The following BEND5 variants were observed in gnomAD, a reference collection of about 807,000 sequenced individuals.
BEND5 encodes BEN domain-containing protein 5.
A neutral mutation model predicts 43.9 loss-of-function variants in BEND5; 22 were observed. That is an observed-to-expected ratio of 0.50 (90% CI 0.36 to 0.72). The LOEUF (loss-of-function observed/expected upper bound fraction) is 0.72, where lower values mean the gene tolerates loss of function less well. Ranked by LOEUF, BEND5 falls within the 30% of genes least tolerant of loss-of-function variation. The pLI, the probability that BEND5 is intolerant of heterozygous loss-of-function variation, is 0.00. For missense variants in BEND5, 428 were observed against 550.6 expected (o/e 0.78, Z 2.23); for synonymous variants, 228 against 225.9 (o/e 1.01, Z -0.08).
In BEND5 at chr1:48,759,061, T is replaced by A. The variant is rs1399747669; in HGVS notation, c.584A>T (p.Glu195Val). The A allele has an allele frequency of 1.2e-6, 2 of 1,613,668 alleles. No homozygotes were observed. Among genetic ancestry groups the A allele is most frequent in the East Asian group, 2.2e-5 (1 of 44,862 alleles). Residue 195 changes from glutamate to valine, a missense_variant, in exon 3 of 6, where the codon GAA (glutamate) becomes GTA (valine). This residue lies in a region of BEND5 where 243 missense variants were observed against 286.4 expected (regional missense o/e 0.85). Coordinates refer to ENST00000371833, the MANE Select transcript of BEND5 (RefSeq NM_024603.4). ...ELLRNYQQQQ[E>V]EMRHLQQELE... ...CTCCTGCTGGAGGTGGCGCATCTCTTCCTGTTGCTGCTGGTAGTTGCGCAG... is the reference window on the plus strand; with the variant it reads ...CTCCTGCTGGAGGTGGCGCATCTCTACCTGTTGCTGCTGGTAGTTGCGCAG...
At chr1:48,766,852 T>C (rs1223218198) in intron 1 of BEND5, among the ~76,000 whole-genome samples, 3 of 152,180 alleles carry the variant, frequency 2.0e-5, no homozygotes, top group African/African-American at 7.2e-5. Context: ...CAGTGAACAT[T>C]TACTGTTCCT....
rs956244510 is a variant in BEND5, at chr1:48,762,120, A to G, written c.227-650T>C. 3.9e-5 allele frequency among the ~76,000 whole-genome samples: 6 copies of G among 152,308 alleles called. No homozygotes were observed. In the Middle Eastern group the frequency reaches 0.01, roughly 259 times the overall value. On this transcript the variant is annotated intron_variant, in intron 1 of 5. Transcript: ENST00000371833. ...CGCTCATGTTACATGAGGAAATTCA[A>G]ACCCAGAGGATGGAAGAGGCTTGCC...
chr1:48,770,643 A>G (rs2148691000), intron 1 of BEND5, among the ~76,000 whole-genome samples: 1 of 152,212 alleles, frequency 6.6e-6, no homozygotes, highest in South Asian at 2.1e-4. Context: ...CTCTCCTGAC[A>G]TATCCACCCA....
At chr1:48,772,851 C>T (rs911387674) in intron 1 of BEND5, among the ~76,000 whole-genome samples, 5 of 152,256 alleles carry the variant, frequency 3.3e-5, no homozygotes, top group Admixed American at 3.3e-4. Context: ...GCAAAGCCCA[C>T]CTTGAATTGG....
intron 3 of BEND5, among the ~76,000 whole-genome samples, chr1:48,749,396 A>C (rs1253789948): frequency 6.6e-6 from 1 of 152,188 alleles, no homozygotes; most frequent in East Asian, 1.9e-4. Flanking sequence ...GTGTTTAGCG[A>C]AAGAAGTTAA....
intron 3 of BEND5, among the ~76,000 whole-genome samples, chr1:48,748,569 G>A (rs1293903803): frequency 3.9e-5 from 6 of 152,190 alleles, no homozygotes; most frequent in Non-Finnish European, 7.3e-5. Flanking sequence ...ACCAACTTCT[G>A]TGTTGGGGCT....
intron 3 of BEND5, among the ~76,000 whole-genome samples, chr1:48,745,864 GCCCCTACTCTA>G (rs1190034132): frequency 6.6e-6 from 1 of 151,834 alleles, no homozygotes; most frequent in Non-Finnish European, 1.5e-5. Flanking sequence ...CCACCCCTCT[GCCCCTACTCTA>G]CCATAATAAT....
chr1:48,768,380 C>CACAA (rs1644636781), intron 1 of BEND5, among the ~76,000 whole-genome samples: 1 of 152,102 alleles, frequency 6.6e-6, no homozygotes, highest in Non-Finnish European at 1.5e-5. Context: ...TACTCAAAGC[C>CACAA]ACAAAGAGCT....
At chr1:48,747,056 T>C (rs145679498) in intron 3 of BEND5, among the ~76,000 whole-genome samples, 6 of 152,328 alleles carry the variant, frequency 3.9e-5, no homozygotes, top group African/African-American at 1.4e-4. Context: ...TTACATCTCA[T>C]TACAACAAAT....
chr1:48,728,482 C>CTT lies in BEND5; in HGVS notation c.1109-441_1109-440dup, dbSNP rs11441549. Among the ~76,000 whole-genome samples the CTT allele has an allele frequency of 1.8e-3, 241 of 137,124 alleles. 2 individuals carry two copies. Among genetic ancestry groups the CTT allele is most frequent in the East Asian group, 0.015 (71 of 4,844 alleles). The allele number at this position is 137,124 out of a possible 152,430, so 90.0% of individuals were successfully genotyped here. On this transcript the variant is annotated intron_variant, in intron 5 of 5. Coordinates refer to ENST00000371833, the MANE Select transcript of BEND5 (RefSeq NM_024603.4). Reference sequence around the variant, plus strand: ...GTGCCCACTCTATCATTCTGACTTGCTTTTTTTTTTTTTTTTACTCAAATG... The same window carrying CTT: ...GTGCCCACTCTATCATTCTGACTTGCTTTTTTTTTTTTTTTTTTACTCAAATG...
chr1:48,736,542 A>T lies in BEND5; in HGVS notation c.895-90T>A. ...GTCCTTTAAAAAGCATTGCTGCACAACTGTAAGAGATTCATGTCATAAATA... is the reference window on the plus strand; with the variant it reads ...GTCCTTTAAAAAGCATTGCTGCACATCTGTAAGAGATTCATGTCATAAATA... On this transcript the variant is annotated intron_variant, in intron 4 of 5. Transcript: ENST00000371833. This position sits in a 1 kb window ranked among gnomAD's most constrained non-coding sequence, Gnocchi z 4.0. The T allele has an allele frequency of 9.2e-7, 1 of 1,086,838 alleles. No homozygotes were observed. Among genetic ancestry groups the T allele is most frequent in the Non-Finnish European group, 1.4e-6 (1 of 726,694 alleles). 67.3% of individuals were successfully genotyped at this position (1,086,838 alleles called of 1,614,324 possible).
At position 48,761,438 on chromosome 1, in the gene BEND5, G is replaced by T; in HGVS notation, c.259C>A (p.Gln87Lys). 6.4e-7 allele frequency: 1 copy of T among 1,551,100 alleles called. No homozygotes were observed. Among genetic ancestry groups the T allele is most frequent in the Non-Finnish European group, 8.7e-7 (1 of 1,146,794 alleles). ...AGCTTGGGGATTTTTATTTTCTTCT[G>T]CATCACACTGTTTTCAAGGTCAGAT... The part of the protein sequence containing the change: ...DKSDLENSVM[Q>K]KKIKIPKLSL... Residue 87 changes from glutamine to lysine, a missense_variant, in exon 2 of 6, where the codon CAG becomes AAG. Around this residue, in one of 4 missense-constraint regions of BEND5, gnomAD observed 243 missense variants for 286.4 expected, o/e 0.85. Coordinates refer to ENST00000371833, the MANE Select transcript of BEND5 (RefSeq NM_024603.4).
chr1:48,772,657 T>C (rs1644895064), intron 1 of BEND5, among the ~76,000 whole-genome samples: 1 of 152,142 alleles, frequency 6.6e-6, no homozygotes, highest in Non-Finnish European at 1.5e-5. Context: ...CTACAGAAGG[T>C]TCTAATGAGA....
Position 48,730,703 on chromosome 1 carries a change from C to T in BEND5, c.1109-2660G>A, listed in dbSNP as rs148687855. On this transcript the variant is annotated intron_variant, in intron 5 of 5. Transcript: ENST00000371833. ...TTGATTAAAAGGCTTTCGTTAGACT[C>T]TAGATATTAATCACCTGCAGTTGCC... Among the ~76,000 whole-genome samples, 13 of 152,276 alleles carry T rather than the reference C, an allele frequency of 8.5e-5. No homozygotes were observed. The East Asian group carries it at 1.4e-3, about 16-fold the overall frequency.
At chr1:48,755,707 G>C (rs1203517205) in intron 3 of BEND5, among the ~76,000 whole-genome samples, 1 of 152,140 alleles carries the variant, frequency 6.6e-6, no homozygotes, top group Non-Finnish European at 1.5e-5. Context: ...CTTTCCAAGA[G>C]AGACTTCTCC....
intron 4 of BEND5, among the ~76,000 whole-genome samples, chr1:48,740,471 G>T (rs1305834872): frequency 6.6e-6 from 1 of 152,236 alleles, no homozygotes; most frequent in East Asian, 1.9e-4. Flanking sequence ...ATGAGTTTTT[G>T]AAATAAAACA....
At chr1:48,752,062 C>T (rs960975381) in intron 3 of BEND5, among the ~76,000 whole-genome samples, 1 of 152,168 alleles carries the variant, frequency 6.6e-6, no homozygotes, top group Admixed American at 6.5e-5. Context: ...CAGGATACAA[C>T]AGTTTTTGAA....
At chr1:48,749,609 C>A (rs549841672) in intron 3 of BEND5, among the ~76,000 whole-genome samples, 1 of 152,282 alleles carries the variant, frequency 6.6e-6, no homozygotes, top group East Asian at 1.9e-4. Flanking sequence ...TCTGTGGGAC[C>A]CTCAGCTCAT....
chr1:48,775,478 GTCACT>G (rs900136322), intron 1 of BEND5, among the ~76,000 whole-genome samples: 17 of 152,122 alleles, frequency 1.1e-4, no homozygotes, highest in Non-Finnish European at 1.2e-4. Flanking sequence ...TCTTCATTCA[GTCACT>G]AACCCTTCGT....
Sources: allele counts gnomAD v4.1 joint callset (sites outside exome capture counted in the v4.1 genomes callset), GRCh38; gene constraint gnomAD v4.1.1; regional missense constraint gnomAD v4.1.1; non-coding constraint Gnocchi (gnomAD v3.1); transcripts MANE v1.5; gene names NCBI Gene and HGNC (gene_info 2026-07-23, HGNC 2026-07-21).